The following ADAMTS20 variants were observed in gnomAD, a reference collection of about 807,000 sequenced individuals.
ADAMTS20 encodes ADAM metallopeptidase with thrombospondin type 1 motif 20.
A neutral mutation model predicts 260.1 loss-of-function variants in ADAMTS20; 225 were observed. The observed-to-expected ratio is 0.87, with a 90% CI of 0.78 to 0.97. The LOEUF (loss-of-function observed/expected upper bound fraction) is 0.97. ADAMTS20 is among the 50% of genes least tolerant of loss of function. The pLI is 0.00. For missense variants in ADAMTS20, 2,400 were observed against 2,337.7 expected (o/e 1.03, Z -0.55); for synonymous variants, 802 against 769.5 (o/e 1.04, Z -0.70).
intron 4 of ADAMTS20, among the ~76,000 whole-genome samples, chr12:43,500,164 G>T (rs1193860707): frequency 6.6e-6 from 1 of 152,008 alleles, no homozygotes; most frequent in Admixed American, 6.5e-5. Flanking sequence ...AAGTAGCTGG[G>T]ATTACAGGCA....
rs1565555164 is a variant in ADAMTS20, at chr12:43,452,353, TA to T, written c.1999del (p.Tyr667ThrfsTer3). ...ATCTTCAACCATATCCTTCAATAGGTAGAAATAATTGGTTCCAGCAACCTGA... is the reference window on the plus strand; with the variant it reads ...ATCTTCAACCATATCCTTCAATAGGTGAAATAATTGGTTCCAGCAACCTGA... ...YCQVAGTNYF[Y>X]LLKDMVEDGT... On this transcript the variant is annotated frameshift_variant, in exon 14 of 39. Transcript: ENST00000389420. LOFTEE classifies it high-confidence loss of function. The T allele has an allele frequency of 6.2e-7, 1 of 1,613,340 alleles. No homozygotes were observed. The highest frequency in any genetic ancestry group is 1.7e-5 in the Admixed American group (1 of 59,942).
chr12:43,456,955 A>G (rs1941975918), intron 11 of ADAMTS20, among the ~76,000 whole-genome samples: 1 of 152,224 alleles, frequency 6.6e-6, no homozygotes, highest in Non-Finnish European at 1.5e-5. Flanking sequence ...ACAAGGAGGC[A>G]AAAAGAACCA....
rs372843256 is a variant in ADAMTS20 at position 43,428,326 on chromosome 12, A to G, written c.3860T>C (p.Leu1287Ser). The part of the protein sequence containing the change: ...PSYYLSTNLP[L>S]TQKLEDNENQ... The stretch of plus-strand genomic sequence containing the variant: ...TTCATTATCTTCAAGTTTTTGAGTT[A>G]ATGGCAAATTCGTGCTTAGATAATA... The change falls in exon 26 of 39, where the codon TTA becomes TCA. Residue 1287 changes from leucine (L) to serine (S), a missense_variant. Transcript: ENST00000389420. 2.2e-5 allele frequency: 35 copies of G among 1,613,874 alleles called. No homozygotes were observed. In the African/African-American group the frequency reaches 3.6e-4, roughly 17 times the overall value.
At chr12:43,501,481 G>A (rs10526356) in intron 4 of ADAMTS20, among the ~76,000 whole-genome samples, 12,844 of 117,532 alleles carry the variant, frequency 0.11, 1,460 homozygotes, top group African/African-American at 0.31. Context: ...GCGCGCGCGC[G>A]CACACACACA....
intron 2 of ADAMTS20, among the ~76,000 whole-genome samples, chr12:43,534,907 C>G (rs571566401): frequency 6.6e-6 from 1 of 152,182 alleles, no homozygotes; most frequent in East Asian, 1.9e-4. Flanking sequence ...ATCGTGCTTC[C>G]AACATGCTGT....
At chr12:43,367,275 T>C (rs1054473173) in intron 37 of ADAMTS20, among the ~76,000 whole-genome samples, 1 of 151,958 alleles carries the variant, frequency 6.6e-6, no homozygotes, top group Non-Finnish European at 1.5e-5. Flanking sequence ...CTACTACAAA[T>C]ATGAATGAAA....
rs1940406014 is a variant in ADAMTS20, at chr12:43,383,704, C to T, written c.4651G>A (p.Asp1551Asn). The T allele has an allele frequency of 6.2e-7, 1 of 1,613,728 alleles. No homozygotes were observed. Among genetic ancestry groups the T allele is most frequent in the Admixed American group, 1.7e-5 (1 of 59,994 alleles). Residue 1551 changes from aspartate to asparagine, a missense_variant, in exon 31 of 39, where the codon GAT becomes AAT. Coordinates refer to ENST00000389420, the MANE Select transcript of ADAMTS20 (RefSeq NM_025003.5). The part of the protein sequence containing the change: ...LNCSTSCERK[D>N]SHQRMECTDN... ...GTGCACTCCATTCGTTGATGTGAAT[C>T]TTTTCTCTCACATGATGTTGAACAC... is the stretch of plus-strand genomic sequence containing the variant.
chr12:43,430,493 TA>T (rs758561649), intron 22 of ADAMTS20, 22 bp from the exon 23 acceptor site: 24 of 1,593,660 alleles, frequency 1.5e-5, no homozygotes, highest in East Asian at 2.2e-5. Flanking sequence ...ATATAGATAT[TA>T]AAAAAACATT....
At chr12:43,486,670 C>A (rs566686258) in intron 7 of ADAMTS20, among the ~76,000 whole-genome samples, 2 of 152,148 alleles carry the variant, frequency 1.3e-5, no homozygotes, top group South Asian at 4.1e-4. Flanking sequence ...TATTTGCAAA[C>A]GATGCATGTG....
At chr12:43,376,503 T>C (rs1430585587) in intron 33 of ADAMTS20, 21 bp downstream of exon 33, 3 of 1,597,142 alleles carry the variant, frequency 1.9e-6, no homozygotes, top group Middle Eastern at 2.0e-4. Flanking sequence ...AGGTATTAGA[T>C]TTTTGAAGTC....
intron 34 of ADAMTS20, 36 bp from the exon 35 acceptor site, chr12:43,376,184 T>C (rs1940223344): frequency 1.9e-6 from 3 of 1,557,542 alleles, no homozygotes; most frequent in Non-Finnish European, 2.6e-6. Flanking sequence ...AAAAACTTTT[T>C]CCAAAGTCAA....
chr12:43,455,143 T>C (rs1272583179), intron 11 of ADAMTS20, among the ~76,000 whole-genome samples: 2 of 152,206 alleles, frequency 1.3e-5, no homozygotes, highest in East Asian at 1.9e-4. Context: ...ATTGGAATCA[T>C]ATAGTACTAG....
chr12:43,382,778 A>T (rs1940382231), intron 31 of ADAMTS20, among the ~76,000 whole-genome samples: 1 of 151,948 alleles, frequency 6.6e-6, no homozygotes, highest in African/African-American at 2.4e-5. Context: ...TGGAAGATAT[A>T]AAAAAGCTGA....
At chr12:43,426,899 A>G (rs1188424779) in intron 27 of ADAMTS20, among the ~76,000 whole-genome samples, 1 of 152,224 alleles carries the variant, frequency 6.6e-6, no homozygotes, top group Non-Finnish European at 1.5e-5. Context: ...CAGAACATCT[A>G]TTAAAAGAAC....
intron 7 of ADAMTS20, among the ~76,000 whole-genome samples, chr12:43,472,696 A>G (rs1375295601): frequency 6.8e-6 from 1 of 147,012 alleles, no homozygotes; most frequent in Non-Finnish European, 1.5e-5. Flanking sequence ...ATTCTTAAAG[A>G]AAAGAATTTT....
chr12:43,503,518 T>A (rs933789000), intron 3 of ADAMTS20, among the ~76,000 whole-genome samples: 1 of 152,062 alleles, frequency 6.6e-6, no homozygotes, highest in African/African-American at 2.4e-5. Context: ...ACAGATGAAT[T>A]TTTTTTAATT....
chr12:43,409,696 G>A (rs1298138967), intron 28 of ADAMTS20, among the ~76,000 whole-genome samples: 1 of 150,250 alleles, frequency 6.7e-6, no homozygotes, highest in South Asian at 2.1e-4. Context: ...TTAAAAAATG[G>A]TTGCATAGCA....
At chr12:43,481,320 A>T (rs1400001368) in intron 7 of ADAMTS20, among the ~76,000 whole-genome samples, 2 of 149,390 alleles carry the variant, frequency 1.3e-5, no homozygotes, top group Admixed American at 6.9e-5. Flanking sequence ...AAAACACTTA[A>T]GAAAATAAAA....
chr12:43,479,077 G>A (rs547027353), intron 7 of ADAMTS20, among the ~76,000 whole-genome samples: 1 of 152,200 alleles, frequency 6.6e-6, no homozygotes, highest in Admixed American at 6.5e-5. Flanking sequence ...TGTTGATGTG[G>A]AAAGAACCCA....
Sources: gnomAD v4.1 joint callset for allele counts (sites outside exome capture counted in the v4.1 genomes callset) on GRCh38, gnomAD v4.1.1 for gene constraint, MANE v1.5 for transcripts, NCBI Gene and HGNC (gene_info 2026-07-23, HGNC 2026-07-21) for gene names.